TTC28: variants seen among roughly 807,000 people sequenced by gnomAD.
TTC28 encodes tetratricopeptide repeat protein 28.
TTC28 carries 61 observed loss-of-function variants against 198.0 expected under a neutral mutation model. The observed-to-expected ratio is 0.31, with a 90% CI of 0.25 to 0.38. The LOEUF is 0.38. Among genes scored for constraint, TTC28 ranks in the 10% least tolerant of loss-of-function variants. The pLI is 1.00. For synonymous variants in TTC28, 1,171 were observed against 1,297.8 expected (o/e 0.90, Z 2.10); for missense variants, 2,678 against 3,164.0 (o/e 0.85, Z 3.69).
At chr22:28,632,299 C>T (rs1372796515) in intron 1 of TTC28, among the ~76,000 whole-genome samples, 2 of 77,684 alleles carry the variant, frequency 2.6e-5, no homozygotes, top group African/African-American at 1.0e-4. Context: ...AGAAGTTTCA[C>T]TCTTGTTGCC....
At chr22:28,358,227 C>T (rs79104) in intron 2 of TTC28, among the ~76,000 whole-genome samples, 149,208 of 152,306 alleles carry the variant, frequency 0.98, 73,087 homozygotes, top group East Asian at 0.99. Context: ...ATCCACAGCA[C>T]CGACCCTTCA....
chr22:28,255,747 T>G (rs962142231), intron 5 of TTC28, among the ~76,000 whole-genome samples: 4 of 151,834 alleles, frequency 2.6e-5, no homozygotes, highest in African/African-American at 9.7e-5. Flanking sequence ...TGGTGATGCT[T>G]AAGATGGTGG....
At chr22:28,266,588 GTGATCTGTTTCAGGA>G (rs1931698639) in intron 5 of TTC28, among the ~76,000 whole-genome samples, 1 of 152,144 alleles carries the variant, frequency 6.6e-6, no homozygotes, top group Admixed American at 6.5e-5. Context: ...TGTGACCAAG[GTGATCTGTTTCAGGA>G]TGACAGCCTG....
chr22:28,622,773 A>C (rs2051020237), intron 2 of TTC28, among the ~76,000 whole-genome samples: 1 of 152,192 alleles, frequency 6.6e-6, no homozygotes, highest in Admixed American at 6.5e-5. Context: ...AAAATATATA[A>C]TGCAAAGAGT....
At chr22:28,261,498 A>G (rs1931318108) in intron 5 of TTC28, among the ~76,000 whole-genome samples, 1 of 152,102 alleles carries the variant, frequency 6.6e-6, no homozygotes, top group African/African-American at 2.4e-5. Context: ...CTTTTATTCT[A>G]TGTGAGATGA....
intron 5 of TTC28, among the ~76,000 whole-genome samples, chr22:28,293,169 G>A (rs1013532464): frequency 1.3e-5 from 2 of 152,026 alleles, no homozygotes; most frequent in African/African-American, 4.8e-5. Flanking sequence ...GTTCACTGCA[G>A]AATTATTCAC....
At chr22:28,244,057 T>C (rs979060062) in intron 5 of TTC28, among the ~76,000 whole-genome samples, 3 of 152,204 alleles carry the variant, frequency 2.0e-5, no homozygotes, top group Admixed American at 2.0e-4. Flanking sequence ...GATTATTAGA[T>C]ATATCTATTT....
intron 5 of TTC28, among the ~76,000 whole-genome samples, chr22:28,191,611 G>T (rs896519855): frequency 6.6e-6 from 1 of 152,242 alleles, no homozygotes; most frequent in Non-Finnish European, 1.5e-5. Context: ...CTTTTCCAAC[G>T]GTCTTAGCAA....
chr22:28,074,995 C>G (rs551255346), intron 12 of TTC28, among the ~76,000 whole-genome samples: 1 of 151,874 alleles, frequency 6.6e-6, no homozygotes, highest in Non-Finnish European at 1.5e-5. Context: ...AGCTGAGACA[C>G]GAGAATCGCT....
chr22:28,328,315 A>C (rs2045562746), intron 2 of TTC28, among the ~76,000 whole-genome samples: 1 of 152,012 alleles, frequency 6.6e-6, no homozygotes, highest in Non-Finnish European at 1.5e-5. Context: ...GGTAGTGTGC[A>C]CCTGTAGTCC....
chr22:28,401,772 C>CA (rs1366451819), intron 2 of TTC28, among the ~76,000 whole-genome samples: 5 of 151,842 alleles, frequency 3.3e-5, no homozygotes, highest in African/African-American at 7.2e-5. Context: ...CCCATCTCTA[C>CA]AAAAAAAATT....
At chr22:28,132,237 A>G (rs757788734) in intron 6 of TTC28, among the ~76,000 whole-genome samples, 3 of 152,266 alleles carry the variant, frequency 2.0e-5, no homozygotes, top group Non-Finnish European at 4.4e-5. Flanking sequence ...GCCATTATGC[A>G]TTATCAGATT....
intron 2 of TTC28, among the ~76,000 whole-genome samples, chr22:28,329,866 T>C (rs1173047797): frequency 1.3e-5 from 2 of 152,200 alleles, no homozygotes; most frequent in Admixed American, 1.3e-4. Context: ...TAACATTTCT[T>C]ACCCAAGAGT....
At chr22:28,302,248 G>C (rs755517505) in intron 3 of TTC28, among the ~76,000 whole-genome samples, 4 of 152,078 alleles carry the variant, frequency 2.6e-5, no homozygotes, top group Admixed American at 1.3e-4. Flanking sequence ...AGTTTTAGTT[G>C]AGAATATCTG....
intron 5 of TTC28, among the ~76,000 whole-genome samples, chr22:28,168,564 A>C (rs1468506601): frequency 6.6e-6 from 1 of 152,156 alleles, no homozygotes; most frequent in African/African-American, 2.4e-5. Flanking sequence ...AAAAACAAGA[A>C]ATGGGGAAAG....
intron 2 of TTC28, among the ~76,000 whole-genome samples, chr22:28,499,838 G>A (rs2048511691): frequency 6.6e-6 from 1 of 152,026 alleles, no homozygotes; most frequent in South Asian, 2.1e-4. Flanking sequence ...ACATATTTAT[G>A]GGGTACACAG....
chr22:28,584,141 T>C (rs980448763), intron 2 of TTC28, among the ~76,000 whole-genome samples: 8 of 152,002 alleles, frequency 5.3e-5, no homozygotes, highest in African/African-American at 1.7e-4. Flanking sequence ...TTTTCTCAAA[T>C]GAAGACCATG....
intron 2 of TTC28, among the ~76,000 whole-genome samples, chr22:28,494,083 T>C (rs2048418084): frequency 1.3e-5 from 2 of 152,228 alleles, no homozygotes; most frequent in Non-Finnish European, 2.9e-5. Flanking sequence ...CTGTTAATTA[T>C]ATCTAGGGGT....
chr22:28,631,814 C>G (rs150502911), intron 1 of TTC28, among the ~76,000 whole-genome samples: 109 of 152,278 alleles, frequency 7.2e-4, no homozygotes, highest in African/African-American at 2.4e-3. Context: ...ATGTGAACCA[C>G]AGCACCCAGC....
Sources: allele counts gnomAD v4.1 joint callset (sites outside exome capture counted in the v4.1 genomes callset), GRCh38; gene constraint gnomAD v4.1.1; transcripts MANE v1.5; gene names NCBI Gene and HGNC (gene_info 2026-07-23, HGNC 2026-07-21).